Variants in ITPR1 observed in about 807,000 individuals in gnomAD.
ITPR1 encodes the protein inositol 1,4,5-trisphosphate-gated calcium channel ITPR1.
ITPR1 carries 96 observed loss-of-function variants against 318.4 expected under a neutral mutation model. That is an observed-to-expected ratio of 0.30 (90% CI 0.26 to 0.36). The LOEUF (loss-of-function observed/expected upper bound fraction) is 0.36. Ranked by LOEUF, ITPR1 falls within the 10% of genes least tolerant of loss-of-function variation. ITPR1 has a pLI of 1.00. For missense variants in ITPR1, 2,440 were observed against 3,460.2 expected (o/e 0.71, Z 7.40); for synonymous variants, 1,312 against 1,289.9 (o/e 1.02, Z -0.37).
chr3:4,752,910 T>A (rs1226740627), intron 44 of ITPR1, among the ~76,000 whole-genome samples: 1 of 152,148 alleles, frequency 6.6e-6, no homozygotes, highest in Admixed American at 6.5e-5. Context: ...TCCAGGAGCT[T>A]ACAGTCTTGT....
chr3:4,746,110 C>T (rs928044685), intron 44 of ITPR1, among the ~76,000 whole-genome samples: 7 of 152,312 alleles, frequency 4.6e-5, no homozygotes, highest in South Asian at 2.1e-4. Context: ...CCACCAGGCT[C>T]GACCGCCTGC....
At chr3:4,827,181 C>G (rs189395781) in intron 60 of ITPR1, among the ~76,000 whole-genome samples, 9 of 152,362 alleles carry the variant, frequency 5.9e-5, no homozygotes, top group African/African-American at 1.9e-4. Flanking sequence ...CTGACCCACC[C>G]TCCTGCTCCT....
In ITPR1 at chr3:4,650,605, T is replaced by TTGTGTGTGTGTGTG. The variant is rs752768399; in HGVS notation, c.856-1518_856-1517insTGTGTGTGTGTGTG. Among the ~76,000 whole-genome samples the TTGTGTGTGTGTGTG allele has an allele frequency of 2.4e-3, 323 of 133,286 alleles. 5 individuals are homozygous for TTGTGTGTGTGTGTG. The highest frequency in any genetic ancestry group is 4.0e-3 in the Non-Finnish European group (254 of 62,766). 87.4% of individuals were successfully genotyped at this position (133,286 alleles called of 152,430 possible). On this transcript the variant is annotated intron_variant, in intron 10 of 61. Transcript: ENST00000649015. ...ACATTAATCTGATTATGATATGCCT[T>TTGTGTGTGTGTGTG]AGTGTGTGTGTGTGTGTGTGTGTGT...
chr3:4,589,293 C>T (rs748990565), intron 4 of ITPR1, among the ~76,000 whole-genome samples: 1 of 152,152 alleles, frequency 6.6e-6, no homozygotes, highest in African/African-American at 2.4e-5. Flanking sequence ...ATATTTCATT[C>T]TCTTATTTCG....
chr3:4,585,625 C>T (rs375853350), intron 4 of ITPR1, among the ~76,000 whole-genome samples: 33 of 151,920 alleles, frequency 2.2e-4, no homozygotes, highest in African/African-American at 7.7e-4. Flanking sequence ...TTAGTAGAGA[C>T]GGCATTTCAG....
Position 4,699,975 on chromosome 3 carries a change from C to T in ITPR1, c.4536+34C>T, listed in dbSNP as rs769711013. ...TAACCAACGTCAAGCAGAATGTTCA[C>T]GATACACCTTCTGCAGTTGGGCTTG... On this transcript the variant is annotated intron_variant, in intron 35 of 61. Coordinates refer to ENST00000649015, the MANE Select transcript of ITPR1 (RefSeq NM_001378452.1). The T allele has an allele frequency of 7.1e-5, 113 of 1,596,384 alleles. 1 individual carries two copies. The highest frequency in any genetic ancestry group is 5.0e-5 in the Admixed American group (3 of 59,578).
chr3:4,794,953 C>G, intron 52 of ITPR1, 112 bp from the exon 53 acceptor site: 1 of 1,202,580 alleles, frequency 8.3e-7, no homozygotes, highest in Non-Finnish European at 1.1e-6. Context: ...GTGGTAAAAA[C>G]CGGGAACAAA....
At chr3:4,547,387 A>G (rs761593471) in intron 4 of ITPR1, among the ~76,000 whole-genome samples, 13 of 152,206 alleles carry the variant, frequency 8.5e-5, no homozygotes, top group Non-Finnish European at 1.9e-4. Context: ...AATATAAGCA[A>G]TGAAAAGACC....
At chr3:4,841,763 AGTAAGAGTTGGCCAG>A (rs1369145077) in intron 61 of ITPR1, among the ~76,000 whole-genome samples, 1 of 152,212 alleles carries the variant, frequency 6.6e-6, no homozygotes, top group East Asian at 1.9e-4. Flanking sequence ...TCAAAGCCTG[AGTAAGAGTTGGCCAG>A]GTGAAATAGA....
intron 4 of ITPR1, among the ~76,000 whole-genome samples, chr3:4,556,888 G>A (rs903125650): frequency 1.3e-5 from 2 of 152,118 alleles, no homozygotes; most frequent in East Asian, 1.9e-4. Context: ...GCACAAGATG[G>A]CTTTTGAGTG....
intron 52 of ITPR1, among the ~76,000 whole-genome samples, chr3:4,794,205 AG>A (rs752917194): frequency 3.3e-5 from 5 of 152,344 alleles, no homozygotes; most frequent in Admixed American, 3.3e-4. Context: ...ACTGAAAAAG[AG>A]TTCAGGGAAA....
intron 61 of ITPR1, among the ~76,000 whole-genome samples, chr3:4,845,917 C>T (rs1345897648): frequency 6.6e-6 from 1 of 152,212 alleles, no homozygotes; most frequent in Non-Finnish European, 1.5e-5. Context: ...GCAAGCAATA[C>T]TTCTGAATGT....
chr3:4,800,520 G>A lies in ITPR1; in HGVS notation c.7027G>A (p.Ala2343Thr), dbSNP rs774903160. Residue 2343 changes from alanine (A) to threonine (T), a missense_variant, in exon 54 of 62, where the codon GCC (alanine) becomes ACC (threonine). Ala to Thr is a moderately conservative substitution (Grantham distance 58). Coordinates refer to ENST00000649015, the MANE Select transcript of ITPR1 (RefSeq NM_001378452.1). ...CCTCCCCAAGCCCCATGGCATCCGG[G>A]CCTTAATTGCCTCCACAATTCTACG... ...IALPKPHGIR[A>T]LIASTILRLI... 5 of 1,613,976 alleles carry A rather than the reference G, an allele frequency of 3.1e-6. No individual in the cohort carries two copies. The highest frequency in any genetic ancestry group is 3.4e-6 in the Non-Finnish European group (4 of 1,179,888).
At chr3:4,579,208 G>A (rs954889216) in intron 4 of ITPR1, among the ~76,000 whole-genome samples, 4 of 152,126 alleles carry the variant, frequency 2.6e-5, no homozygotes, top group African/African-American at 4.8e-5. Flanking sequence ...AAGATGTGTC[G>A]TTGTGATGAT....
At position 4,516,619 on chromosome 3, in the gene ITPR1, T is replaced by C. The variant is rs765219630; in HGVS notation, c.92+36T>C. ...GCAATTTCTTGTGTGGCACGGTTTG[T>C]TTAAGACATCATAACATCAGCTTAA... is the stretch of plus-strand genomic sequence containing the variant. On this transcript the variant is annotated intron_variant, in intron 3 of 61. Transcript: ENST00000649015. 11 of 1,258,008 alleles carry C rather than the reference T, an allele frequency of 8.7e-6. No individual in the cohort carries two copies. The South Asian group carries it at 9.0e-5, about 10-fold the overall frequency. 77.9% of individuals were successfully genotyped at this position (1,258,008 alleles called of 1,614,324 possible).
intron 3 of ITPR1, among the ~76,000 whole-genome samples, chr3:4,517,004 C>G (rs537527898): frequency 1.3e-5 from 2 of 152,158 alleles, no homozygotes; most frequent in Non-Finnish European, 2.9e-5. Context: ...AAGACCAAAC[C>G]TCCTGGGCTG....
At chr3:4,643,616 T>G (rs577749347) in intron 7 of ITPR1, among the ~76,000 whole-genome samples, 1 of 152,048 alleles carries the variant, frequency 6.6e-6, no homozygotes, top group East Asian at 1.9e-4. Context: ...GGGTAACTTT[T>G]GTTTTAGTTA....
At chr3:4,797,310 T>A (rs184852558) in intron 53 of ITPR1, among the ~76,000 whole-genome samples, 1 of 152,160 alleles carries the variant, frequency 6.6e-6, no homozygotes, top group Non-Finnish European at 1.5e-5. Context: ...AAGAGTTGTA[T>A]TAACCCTGCC....
chr3:4,582,655 G>A lies in ITPR1; in HGVS notation c.164-45108G>A, dbSNP rs1031273074. 1.6e-4 allele frequency among the ~76,000 whole-genome samples: 24 copies of A among 152,300 alleles called. No individual in the cohort carries two copies. In the East Asian group the frequency reaches 1.9e-3, roughly 12 times the overall value. ...TTCTGGAACAGACTAGCAATTGACT[G>A]GACAACGTATTCTTTCTAAGCCTCT... On this transcript the variant is annotated intron_variant, in intron 4 of 61. Transcript: ENST00000649015.
Sources: allele counts gnomAD v4.1 joint callset (sites outside exome capture counted in the v4.1 genomes callset), GRCh38; gene constraint gnomAD v4.1.1; transcripts MANE v1.5; gene names NCBI Gene and HGNC (gene_info 2026-07-23, HGNC 2026-07-21).